Variants in RCAN2 observed in about 807,000 individuals in gnomAD.
The protein encoded by RCAN2 is calcipressin-2.
A neutral mutation model predicts 23.6 loss-of-function variants in RCAN2; 9 were observed. The observed-to-expected ratio is 0.38, with a 90% CI of 0.23 to 0.67. The LOEUF (loss-of-function observed/expected upper bound fraction) is 0.67, where lower values mean the gene tolerates loss of function less well. Ranked by LOEUF, RCAN2 falls within the 30% of genes least tolerant of loss-of-function variation. RCAN2 has a pLI of 0.51. For missense variants in RCAN2, 273 were observed against 302.3 expected, an observed-to-expected ratio of 0.90 and a Z score of 0.72; for synonymous variants, 109 against 115.7, an observed-to-expected ratio of 0.94 and a Z score of 0.37.
At chr6:46,469,395 C>T (rs1768489260) in intron 1 of RCAN2, among the ~76,000 whole-genome samples, 1 of 152,216 alleles carries the variant, frequency 6.6e-6, no homozygotes, top group Non-Finnish European at 1.5e-5. Flanking sequence ...CAGTTCACCA[C>T]ATCCCTCACC....
At chr6:46,360,431 G>A (rs1764971520) in intron 2 of RCAN2, among the ~76,000 whole-genome samples, 1 of 151,438 alleles carries the variant, frequency 6.6e-6, no homozygotes, top group African/African-American at 2.4e-5. Flanking sequence ...CTCCTCCGGA[G>A]GCTGAGGCAG....
chr6:46,463,396 G>T (rs910798323), intron 1 of RCAN2, among the ~76,000 whole-genome samples: 1 of 152,150 alleles, frequency 6.6e-6, no homozygotes, highest in Admixed American at 6.5e-5. Flanking sequence ...TAACAATTTG[G>T]GTTAGAATAG....
At chr6:46,329,550 C>T (rs1191484048) in intron 2 of RCAN2, among the ~76,000 whole-genome samples, 1 of 152,056 alleles carries the variant, frequency 6.6e-6, no homozygotes, top group Non-Finnish European at 1.5e-5. Flanking sequence ...TGGATAAATA[C>T]ACAAATGAAT....
Position 46,223,032 on chromosome 6 carries a change from C to A in RCAN2, c.*109G>T, listed in dbSNP as rs1765527027. ...AGAGGCTTGATAACAAGGAAGGAAT[C>A]TCAAACAACCAAACACCCAGGAATT... is the stretch of plus-strand genomic sequence containing the variant. On this transcript the variant is annotated 3_prime_UTR_variant, in exon 5 of 5. Coordinates refer to ENST00000371374, the MANE Select transcript of RCAN2 (RefSeq NM_001251974.2). The A allele has an allele frequency of 8.3e-7, 1 of 1,203,068 alleles. No individual in the cohort carries two copies. Among genetic ancestry groups the A allele is most frequent in the African/African-American group, 1.5e-5 (1 of 65,712 alleles). 74.5% of individuals were successfully genotyped at this position (1,203,068 alleles called of 1,614,324 possible).
intron 2 of RCAN2, among the ~76,000 whole-genome samples, chr6:46,345,506 T>A (rs188877587): frequency 2.6e-5 from 4 of 152,230 alleles, no homozygotes; most frequent in African/African-American, 9.6e-5. Context: ...TGTTGGACTA[T>A]AAAACGAGTC....
At chr6:46,480,412 G>A (rs1768827223) in intron 1 of RCAN2, among the ~76,000 whole-genome samples, 1 of 152,164 alleles carries the variant, frequency 6.6e-6, no homozygotes, top group Non-Finnish European at 1.5e-5. Flanking sequence ...AAGAAAGAAT[G>A]CACTATCTTA....
rs182215832 is a variant in RCAN2 at position 46,388,145 on chromosome 6, C to G, written c.225+68607G>C. ...GGAGGGAAAGCATTAGGAGATATAC[C>G]CAATGTAAATGACGAGTTAATGGGT... On this transcript the variant is annotated intron_variant, in intron 2 of 4. Transcript: ENST00000371374. Among the ~76,000 whole-genome samples the G allele has an allele frequency of 8.6e-5, 13 of 151,924 alleles. No individual in the cohort carries two copies. The East Asian group carries it at 1.5e-3, about 18-fold the overall frequency.
chr6:46,448,897 A>C (rs1407494976), intron 2 of RCAN2, among the ~76,000 whole-genome samples: 2 of 151,724 alleles, frequency 1.3e-5, no homozygotes, highest in African/African-American at 4.8e-5. Context: ...AAGATGGAAG[A>C]TTTTCCTCTA....
chr6:46,344,248 T>A (rs1031687015), intron 2 of RCAN2, among the ~76,000 whole-genome samples: 3 of 152,124 alleles, frequency 2.0e-5, no homozygotes, highest in Non-Finnish European at 4.4e-5. Flanking sequence ...CAAGACAAAA[T>A]GAAAATCATT....
chr6:46,243,057 G>A (rs1278742786), intron 4 of RCAN2, among the ~76,000 whole-genome samples: 1 of 152,208 alleles, frequency 6.6e-6, no homozygotes, highest in East Asian at 1.9e-4. Context: ...AAAGTGACAG[G>A]AGGAGACTGA....
At position 46,221,040 on chromosome 6, in the gene RCAN2, A is replaced by G. The variant is rs1007906158; in HGVS notation, c.*2101T>C. On this transcript the variant is annotated 3_prime_UTR_variant, in exon 5 of 5. Coordinates refer to ENST00000371374, the MANE Select transcript of RCAN2 (RefSeq NM_001251974.2). ...GTGAAAGAATTACTTGATCTGAGAC[A>G]GGTTAACATTGACACAGAGCAATAA... 1 of 152,580 alleles carries G rather than the reference A, an allele frequency of 6.6e-6. No homozygotes were observed. Among genetic ancestry groups the G allele is most frequent in the African/African-American group, 2.4e-5 (1 of 41,422 alleles). The allele number at this position is 152,580 out of a possible 1,614,324, so 9.5% of individuals were successfully genotyped here. A position where few individuals can be genotyped will look rare whatever the true frequency, so the allele number is the denominator to read the frequency against.
At chr6:46,244,045 C>T (rs1766421139) in intron 4 of RCAN2, among the ~76,000 whole-genome samples, 1 of 152,080 alleles carries the variant, frequency 6.6e-6, no homozygotes, top group South Asian at 2.1e-4. Flanking sequence ...GTTCATGCTT[C>T]TTTCTACAGC....
intron 2 of RCAN2, among the ~76,000 whole-genome samples, chr6:46,407,691 A>T (rs1766440809): frequency 6.6e-6 from 1 of 152,198 alleles, no homozygotes; most frequent in Non-Finnish European, 1.5e-5. Context: ...TTTCATATAC[A>T]TCAATGTCCT....
intron 2 of RCAN2, among the ~76,000 whole-genome samples, chr6:46,273,403 C>T (rs527242255): frequency 6.6e-6 from 1 of 152,296 alleles, no homozygotes; most frequent in South Asian, 2.1e-4. Flanking sequence ...TTAAAAGTTG[C>T]TTTCACATGT....
chr6:46,279,045 GAT>G (rs1767810731), intron 2 of RCAN2, among the ~76,000 whole-genome samples: 1 of 152,150 alleles, frequency 6.6e-6, no homozygotes, highest in South Asian at 2.1e-4. Flanking sequence ...CTTCCCAAAT[GAT>G]TCTAATATGT....
chr6:46,256,688 T>C (rs1582036729), intron 2 of RCAN2, among the ~76,000 whole-genome samples: 1 of 152,214 alleles, frequency 6.6e-6, no homozygotes, highest in South Asian at 2.1e-4. Context: ...ATTTGTTTCT[T>C]ATTTGTGCCC....
chr6:46,334,960 A>C (rs1001953750), intron 2 of RCAN2, among the ~76,000 whole-genome samples: 2 of 120,774 alleles, frequency 1.7e-5, no homozygotes, highest in African/African-American at 5.1e-5. Context: ...AAGCTGACAC[A>C]CTCGAAAAAA....
chr6:46,436,878 A>G (rs568974630), intron 2 of RCAN2, among the ~76,000 whole-genome samples: 2 of 152,270 alleles, frequency 1.3e-5, no homozygotes, highest in South Asian at 2.1e-4. Context: ...GAGTTCTTAG[A>G]TAATAAAAAC....
At chr6:46,269,227 ATC>A (rs1462880329) in intron 2 of RCAN2, among the ~76,000 whole-genome samples, 3 of 151,756 alleles carry the variant, frequency 2.0e-5, no homozygotes, top group South Asian at 4.2e-4. Flanking sequence ...CATATTTTCC[ATC>A]TCTTTGTCTT....
Sources: allele counts gnomAD v4.1 joint callset (sites outside exome capture counted in the v4.1 genomes callset), GRCh38; gene constraint gnomAD v4.1.1; transcripts MANE v1.5; gene names NCBI Gene and HGNC (gene_info 2026-07-23, HGNC 2026-07-21).